PDZD2: variants seen among roughly 807,000 people sequenced by gnomAD.
The protein encoded by PDZD2 is PDZ domain-containing protein 2.
In PDZD2, 90 loss-of-function variants were observed where a neutral mutation model predicts 220.7. The observed-to-expected ratio is 0.41, with a 90% CI of 0.34 to 0.49. The LOEUF (loss-of-function observed/expected upper bound fraction) is 0.49. Among genes scored for constraint, PDZD2 ranks in the 20% least tolerant of loss-of-function variants. PDZD2 has a pLI of 0.28. For synonymous variants in PDZD2, 1,375 were observed against 1,450.5 expected (o/e 0.95, Z 1.18); for missense variants, 3,174 against 3,608.5 (o/e 0.88, Z 3.08).
intron 2 of PDZD2, among the ~76,000 whole-genome samples, chr5:31,884,509 C>T (rs1740244841): frequency 6.6e-6 from 1 of 152,142 alleles, no homozygotes; most frequent in Admixed American, 6.5e-5. Flanking sequence ...CAGGGCAGGT[C>T]TGCTGTTGTC....
chr5:32,016,870 C>T (rs182859807), intron 6 of PDZD2, among the ~76,000 whole-genome samples: 36 of 152,268 alleles, frequency 2.4e-4, no homozygotes, highest in African/African-American at 5.8e-4. Context: ...TAATTCAGAT[C>T]GTAGTGACAT....
intron 2 of PDZD2, among the ~76,000 whole-genome samples, chr5:31,802,807 C>A (rs906808785): frequency 2.0e-5 from 3 of 150,354 alleles, no homozygotes; most frequent in Non-Finnish European, 4.4e-5. Context: ...GTAGTCCCAG[C>A]TACTTGGGAG....
At chr5:31,975,794 T>TTTTTC (rs1749700891) in intron 2 of PDZD2, among the ~76,000 whole-genome samples, 1 of 20,860 alleles carries the variant, frequency 4.8e-5, no homozygotes. Flanking sequence ...TATCAGTCAC[T>TTTTTC]TTTTTTTTAT....
At chr5:31,690,064 A>G (rs1039420987) in intron 1 of PDZD2, among the ~76,000 whole-genome samples, 13 of 152,154 alleles carry the variant, frequency 8.5e-5, no homozygotes, top group Admixed American at 3.3e-4. Context: ...CAAGTCTCAG[A>G]GACAAGTCTG....
chr5:31,717,991 C>T (rs1465965641), intron 1 of PDZD2, among the ~76,000 whole-genome samples: 8 of 152,208 alleles, frequency 5.3e-5, no homozygotes, highest in Non-Finnish European at 5.9e-5. Flanking sequence ...CTCTCCTTCT[C>T]CTAATTTCCC....
rs1312287687 is a variant in PDZD2 at position 31,799,635 on chromosome 5, A to T, written c.387A>T (p.Pro129=). ...IWVTELRKNS[P]AGKSGKVRLR... is the part of the protein sequence containing the mutation. ...TGACAGAGCTGAGGAAGAACAGCCC[A>T]GCAGGGAAGAGTGGGAAGGTCCGAC... The change falls in exon 2 of 25, where the codon CCA becomes CCT. Residue 129 remains proline (P), a synonymous_variant. Transcript: ENST00000438447. The T allele has an allele frequency of 6.2e-7, 1 of 1,614,164 alleles. No individual in the cohort carries two copies.
chr5:31,642,092 G>A (rs1210300730), intron 1 of PDZD2, among the ~76,000 whole-genome samples: 1 of 152,050 alleles, frequency 6.6e-6, no homozygotes, highest in Non-Finnish European at 1.5e-5. Flanking sequence ...TAAGTGACTC[G>A]GACCATGGTG....
intron 6 of PDZD2, among the ~76,000 whole-genome samples, chr5:32,025,591 CT>C (rs70957998): frequency 3.4e-3 from 229 of 67,468 alleles, no homozygotes; most frequent in East Asian, 4.0e-3. Context: ...AACCATGATG[CT>C]TTTTTTTTTT....
At position 31,884,227 on chromosome 5, in the gene PDZD2, G is replaced by GCATACATACATACATACATACATA. The variant is rs557964815; in HGVS notation, c.476+84506_476+84507insACATACATACATACATACATACAT. 5.1e-3 allele frequency among the ~76,000 whole-genome samples: 757 copies of GCATACATACATACATACATACATA among 147,568 alleles called. 10 individuals carry two copies. Among genetic ancestry groups the GCATACATACATACATACATACATA allele is most frequent in the African/African-American group, 0.018 (702 of 39,748 alleles). On this transcript the variant is annotated intron_variant, in intron 2 of 24. Transcript: ENST00000438447. ...GACTCCATCTCAAAAATAACTGCAT[G>GCATACATACATACATACATACATA]CATGCATACATACATACATACATAC...
At chr5:31,670,574 G>T (rs189185408) in intron 1 of PDZD2, among the ~76,000 whole-genome samples, 1 of 151,956 alleles carries the variant, frequency 6.6e-6, no homozygotes, top group African/African-American at 2.4e-5. Flanking sequence ...CCGCCACCAC[G>T]CCCGGCTAAT....
chr5:32,004,112 G>T (rs1752624533), intron 5 of PDZD2, among the ~76,000 whole-genome samples: 1 of 151,918 alleles, frequency 6.6e-6, no homozygotes, highest in Non-Finnish European at 1.5e-5. Context: ...AAGGTGGGGG[G>T]GCCACTTATG....
intron 1 of PDZD2, among the ~76,000 whole-genome samples, chr5:31,770,573 C>T (rs1015951797): frequency 2.6e-5 from 4 of 152,136 alleles, no homozygotes; most frequent in Non-Finnish European, 4.4e-5. Flanking sequence ...TACAATACTC[C>T]GGGGACCCAG....
intron 2 of PDZD2, among the ~76,000 whole-genome samples, chr5:31,842,764 T>C (rs991959845): frequency 1.3e-5 from 2 of 152,260 alleles, no homozygotes; most frequent in East Asian, 1.9e-4. Context: ...TTTGTGACTA[T>C]GTACTGATAC....
At position 31,854,744 on chromosome 5, in the gene PDZD2, C is replaced by A. The variant is rs571843132; in HGVS notation, c.476+55020C>A. Among the ~76,000 whole-genome samples, 8 of 152,310 alleles carry A rather than the reference C, an allele frequency of 5.3e-5. No homozygotes were observed. In the East Asian group the frequency reaches 1.5e-3, roughly 29 times the overall value. ...AGGTGTCTGGATGAGAAGCCCCAAA[C>A]TCCCTGAAATCCTCCCCAGGGCGGT... On this transcript the variant is annotated intron_variant, in intron 2 of 24. Transcript: ENST00000438447.
At chr5:32,053,730 C>A in intron 9 of PDZD2, 39 bp from the exon 10 acceptor site, 1 of 1,117,194 alleles carries the variant, frequency 9.0e-7, no homozygotes, top group Non-Finnish European at 1.4e-6. Context: ...AGTTAAATAC[C>A]ACACTGTCAA....
At chr5:31,916,834 A>T (rs921378217) in intron 2 of PDZD2, among the ~76,000 whole-genome samples, 1 of 152,134 alleles carries the variant, frequency 6.6e-6, no homozygotes, top group African/African-American at 2.4e-5. Flanking sequence ...GCTTGATGGG[A>T]CAGTTCACTT....
chr5:32,028,662 A>ATTT (rs749566544), intron 6 of PDZD2, among the ~76,000 whole-genome samples: 16 of 66,912 alleles, frequency 2.4e-4, no homozygotes, highest in South Asian at 1.5e-3. Context: ...TGCTCCTTCT[A>ATTT]TTTTTTTTTT....
chr5:31,772,477 C>T (rs1361637153), intron 1 of PDZD2, among the ~76,000 whole-genome samples: 3 of 152,168 alleles, frequency 2.0e-5, no homozygotes, highest in South Asian at 2.1e-4. Context: ...TTGCCCCATC[C>T]GCGAGTTGCA....
At chr5:31,980,862 C>A (rs990193126) in intron 2 of PDZD2, among the ~76,000 whole-genome samples, 2 of 152,210 alleles carry the variant, frequency 1.3e-5, no homozygotes. Context: ...CAGCTCACTG[C>A]AACCTCTGCC....
Sources: gnomAD v4.1 joint callset for allele counts (sites outside exome capture counted in the v4.1 genomes callset) on GRCh38, gnomAD v4.1.1 for gene constraint, MANE v1.5 for transcripts, NCBI Gene and HGNC (gene_info 2026-07-23, HGNC 2026-07-21) for gene names.